Variants in SOX6 observed in about 807,000 individuals in gnomAD.
SOX6 encodes the protein SRY-box transcription factor 6, also known as transcription factor SOX-6.
SOX6 carries 11 observed loss-of-function variants against 97.8 expected under a neutral mutation model. The ratio of observed to expected loss-of-function variants is 0.11; its 90% confidence interval spans 0.07 to 0.19. The LOEUF (loss-of-function observed/expected upper bound fraction) is 0.19, where lower values mean the gene tolerates loss of function less well. Ranked by LOEUF, SOX6 falls within the 10% of genes least tolerant of loss-of-function variation. The pLI is 1.00. For missense variants in SOX6, 810 were observed against 1,039.5 expected, an observed-to-expected ratio of 0.78 and a Z score of 3.04; for synonymous variants, 360 against 371.4, an observed-to-expected ratio of 0.97 and a Z score of 0.35.
chr11:16,536,796 A>G (rs1398690785), intron 4 of SOX6, among the ~76,000 whole-genome samples: 1 of 152,240 alleles, frequency 6.6e-6, no homozygotes, highest in Non-Finnish European at 1.5e-5. Flanking sequence ...CAAAGCAGAC[A>G]GAAAGCTCAA....
At chr11:16,144,276 A>T (rs993215435) in intron 6 of SOX6, among the ~76,000 whole-genome samples, 17 of 152,248 alleles carry the variant, frequency 1.1e-4, no homozygotes, top group Non-Finnish European at 1.9e-4. Flanking sequence ...AAATGAAGGC[A>T]GAAATAAAGA....
intron 2 of SOX6, among the ~76,000 whole-genome samples, chr11:16,336,068 T>A (rs1193884269): frequency 6.6e-6 from 1 of 152,198 alleles, no homozygotes; most frequent in Non-Finnish European, 1.5e-5. Flanking sequence ...TAGTCCACTA[T>A]GGTTATTTCT....
intron 4 of SOX6, among the ~76,000 whole-genome samples, chr11:16,482,923 A>G (rs554802169): frequency 5.9e-5 from 9 of 152,332 alleles, no homozygotes; most frequent in African/African-American, 2.2e-4. Flanking sequence ...AAAGAATTCA[A>G]TGACTACTAA....
At chr11:16,092,086 A>G (rs991362781) in intron 9 of SOX6, among the ~76,000 whole-genome samples, 2 of 151,958 alleles carry the variant, frequency 1.3e-5, no homozygotes, top group Admixed American at 6.6e-5. Flanking sequence ...CAGTCGCTTT[A>G]TCTCAGGGCT....
At chr11:16,013,706 C>CAAA (rs1318230878) in intron 13 of SOX6, among the ~76,000 whole-genome samples, 16 of 147,878 alleles carry the variant, frequency 1.1e-4, no homozygotes, top group African/African-American at 3.7e-4. Flanking sequence ...CACCTGGTCT[C>CAAA]CCAAACTATC....
intron 6 of SOX6, among the ~76,000 whole-genome samples, chr11:16,144,060 A>G (rs935903007): frequency 1.3e-5 from 2 of 152,174 alleles, no homozygotes; most frequent in Non-Finnish European, 2.9e-5. Flanking sequence ...TCTTCTCAGC[A>G]CCACACCACA....
intron 9 of SOX6, among the ~76,000 whole-genome samples, chr11:16,062,654 A>C (rs1261807628): frequency 6.6e-6 from 1 of 151,768 alleles, no homozygotes; most frequent in African/African-American, 2.4e-5. Flanking sequence ...AAGATATATA[A>C]AAGACCAGCA....
intron 6 of SOX6, among the ~76,000 whole-genome samples, chr11:16,120,242 CCTCT>C (rs951133890): frequency 8.5e-5 from 12 of 141,924 alleles, no homozygotes; most frequent in East Asian, 2.1e-4. Context: ...CTCACTCACT[CCTCT>C]CTCTCTCTCT....
chr11:15,996,490 G>A (rs1590117335), intron 13 of SOX6, among the ~76,000 whole-genome samples: 1 of 152,000 alleles, frequency 6.6e-6, no homozygotes, highest in Non-Finnish European at 1.5e-5. Context: ...TTAGCTAGGT[G>A]TGGCGGCATG....
At chr11:16,674,197 AAAAAAAAAAAAATCATTC>A (rs967510063) in intron 3 of SOX6, among the ~76,000 whole-genome samples, 2 of 151,420 alleles carry the variant, frequency 1.3e-5, no homozygotes, top group Non-Finnish European at 2.9e-5. Context: ...CTCAAAAAAA[AAAAAAAAAAAAATCATTC>A]ATCATGATCA....
intron 4 of SOX6, among the ~76,000 whole-genome samples, chr11:16,527,982 C>A (rs540217881): frequency 1.3e-5 from 2 of 152,052 alleles, no homozygotes; most frequent in Admixed American, 6.6e-5. Context: ...ATATTCATTT[C>A]TCAGGTTGTA....
At chr11:16,115,191 A>G (rs1849316987) in intron 6 of SOX6, among the ~76,000 whole-genome samples, 2 of 152,178 alleles carry the variant, frequency 1.3e-5, no homozygotes, top group Admixed American at 1.3e-4. Context: ...AGAAACATAG[A>G]GTTGGAATAG....
chr11:16,669,636 T>A (rs1847832965), intron 3 of SOX6, among the ~76,000 whole-genome samples: 1 of 152,226 alleles, frequency 6.6e-6, no homozygotes, highest in Admixed American at 6.5e-5. Flanking sequence ...TTGCCATCTT[T>A]GCTTTCTTAC....
chr11:16,261,774 C>A (rs1473859083), intron 3 of SOX6, among the ~76,000 whole-genome samples: 1 of 151,970 alleles, frequency 6.6e-6, no homozygotes, highest in Admixed American at 6.6e-5. Context: ...TTGAAAACTT[C>A]TATCACAAAA....
chr11:16,423,861 T>G (rs755529283), intron 1 of SOX6, among the ~76,000 whole-genome samples: 1 of 152,144 alleles, frequency 6.6e-6, no homozygotes, highest in African/African-American at 2.4e-5. Flanking sequence ...AACTTAGAGA[T>G]GCACACATTT....
At chr11:16,080,488 T>C (rs1848450064) in intron 9 of SOX6, among the ~76,000 whole-genome samples, 1 of 152,186 alleles carries the variant, frequency 6.6e-6, no homozygotes, top group Non-Finnish European at 1.5e-5. Flanking sequence ...ATGCAGAATG[T>C]GCTTAAAACA....
chr11:16,583,616 T>TATATATATATATATATATACAC (rs1848056249), intron 4 of SOX6, among the ~76,000 whole-genome samples: 2 of 52,502 alleles, frequency 3.8e-5, no homozygotes, highest in Non-Finnish European at 7.1e-5. Context: ...TATATATACA[T>TATATATATATATATATATACAC]ATATATATAT....
At chr11:16,332,634 T>C (rs1163571138) in intron 2 of SOX6, among the ~76,000 whole-genome samples, 1 of 152,210 alleles carries the variant, frequency 6.6e-6, no homozygotes, top group Non-Finnish European at 1.5e-5. Flanking sequence ...TCATTTCTAA[T>C]TTCAACCTGA....
intron 3 of SOX6, among the ~76,000 whole-genome samples, chr11:16,626,016 G>C (rs1316198415): frequency 6.6e-6 from 1 of 152,220 alleles, no homozygotes; most frequent in African/African-American, 2.4e-5. Flanking sequence ...TTTACAACTG[G>C]TGTCTGAGGT....
Sources: gnomAD v4.1 joint callset for allele counts (sites outside exome capture counted in the v4.1 genomes callset) on GRCh38, gnomAD v4.1.1 for gene constraint, MANE v1.5 for transcripts, NCBI Gene and HGNC (gene_info 2026-07-23, HGNC 2026-07-21) for gene names.